NRXN1: variants seen among roughly 807,000 people sequenced by gnomAD.
NRXN1 encodes the protein neurexin 1.
In NRXN1, 39 loss-of-function variants were observed where a neutral mutation model predicts 150.9. That is an observed-to-expected ratio of 0.26 (90% CI 0.20 to 0.34). The LOEUF is 0.34. NRXN1 is among the 10% of genes least tolerant of loss of function. NRXN1 has a pLI of 1.00. For missense variants in NRXN1, 1,815 were observed against 1,949.9 expected (o/e 0.93, Z 1.30); for synonymous variants, 924 against 757.0 (o/e 1.22, Z -3.62).
At chr2:50,079,807 T>C (rs1239931893) in intron 19 of NRXN1, among the ~76,000 whole-genome samples, 1 of 152,116 alleles carries the variant, frequency 6.6e-6, no homozygotes, top group Non-Finnish European at 1.5e-5. Flanking sequence ...TTGCATGATA[T>C]GTTTTAAAGT....
chr2:50,287,971 C>A (rs2072409289), intron 17 of NRXN1, among the ~76,000 whole-genome samples: 1 of 151,898 alleles, frequency 6.6e-6, no homozygotes, highest in South Asian at 2.1e-4. Flanking sequence ...AGGAAAGGAC[C>A]TCGAGGGCAT....
At chr2:50,164,811 C>T (rs576132003) in intron 18 of NRXN1, among the ~76,000 whole-genome samples, 1 of 152,260 alleles carries the variant, frequency 6.6e-6, no homozygotes, top group South Asian at 2.1e-4. Context: ...GTTCTCCGTT[C>T]TCCGTCAAAA....
intron 5 of NRXN1, among the ~76,000 whole-genome samples, chr2:50,809,323 C>G (rs1039859134): frequency 2.6e-5 from 4 of 152,032 alleles, no homozygotes; most frequent in Non-Finnish European, 4.4e-5. Flanking sequence ...TAAGCCCAAA[C>G]ATTTTTAAAT....
At chr2:50,900,584 T>C (rs1365745028) in intron 5 of NRXN1, among the ~76,000 whole-genome samples, 4 of 152,148 alleles carry the variant, frequency 2.6e-5, no homozygotes, top group Admixed American at 2.0e-4. Flanking sequence ...TTACTCAAGA[T>C]AGCATGAACA....
chr2:50,616,026 G>A (rs899370684), intron 8 of NRXN1: 1 of 151,992 alleles, frequency 6.6e-6, no homozygotes, highest in African/African-American at 2.4e-5. Context: ...TATCTTCTAA[G>A]AATTTCATAG....
intron 2 of NRXN1, among the ~76,000 whole-genome samples, chr2:50,961,767 T>C (rs1253093016): frequency 6.6e-6 from 1 of 151,708 alleles, no homozygotes; most frequent in African/African-American, 2.4e-5. Context: ...AGACACAGCA[T>C]TTGTGATGTT....
At chr2:50,646,710 T>A (rs1292517817) in intron 5 of NRXN1, among the ~76,000 whole-genome samples, 93 of 105,800 alleles carry the variant, frequency 8.8e-4, no homozygotes, top group African/African-American at 3.1e-3. Flanking sequence ...CATGTTGTCT[T>A]TTTTTTTTTT....
intron 5 of NRXN1, among the ~76,000 whole-genome samples, chr2:50,886,068 C>A (rs760480005): frequency 1.3e-4 from 19 of 151,264 alleles, no homozygotes; most frequent in Admixed American, 4.0e-4. Context: ...TTTATTTGAT[C>A]ATTGTATAGA....
chr2:49,998,956 G>A (rs2193867), intron 21 of NRXN1, among the ~76,000 whole-genome samples: 72,147 of 151,854 alleles, frequency 0.48, 17,722 homozygotes, highest in Middle Eastern at 0.61. Context: ...GACATTCCCA[G>A]TGTGCCAAAG....
chr2:50,589,503 TGA>T lies in NRXN1; in HGVS notation c.1320+30517_1320+30518del, dbSNP rs1486307367. On this transcript the variant is annotated intron_variant, in intron 8 of 22. Coordinates refer to ENST00000401669, the MANE Select transcript of NRXN1 (RefSeq NM_001330078.2). ...TCCTGAGTAGCTAGGACCACAGGTG[TGA>T]ACCACCATGCCTGGCTAATTTTTGT... The T allele has an allele frequency of 2.7e-3, 345 of 129,664 alleles. 3 individuals carry two copies. Among genetic ancestry groups the T allele is most frequent in the Non-Finnish European group, 4.3e-3 (254 of 59,428 alleles). 8.0% of individuals were successfully genotyped at this position (129,664 alleles called of 1,614,324 possible).
chr2:50,351,283 G>A (rs564566975), intron 17 of NRXN1, among the ~76,000 whole-genome samples: 2 of 152,222 alleles, frequency 1.3e-5, no homozygotes, highest in East Asian at 1.9e-4. Context: ...GTTTCTTAAC[G>A]CTGTCTGTAC....
At chr2:50,924,444 A>G (rs1433295736) in intron 3 of NRXN1, among the ~76,000 whole-genome samples, 1 of 151,748 alleles carries the variant, frequency 6.6e-6, no homozygotes, top group Non-Finnish European at 1.5e-5. Context: ...GCTGATTTTA[A>G]AGCCTCTTGG....
intron 17 of NRXN1, among the ~76,000 whole-genome samples, chr2:50,367,218 A>G (rs2079647734): frequency 6.6e-6 from 1 of 151,992 alleles, no homozygotes; most frequent in Non-Finnish European, 1.5e-5. Context: ...TCGTTGAGTA[A>G]ATAATACTAT....
intron 17 of NRXN1, among the ~76,000 whole-genome samples, chr2:50,255,422 C>A (rs1343953876): frequency 3.3e-5 from 5 of 152,074 alleles, no homozygotes; most frequent in Non-Finnish European, 7.4e-5. Context: ...GATTAAAGTA[C>A]CAAATCAGAC....
At chr2:50,461,534 G>T (rs2088213965) in intron 17 of NRXN1, among the ~76,000 whole-genome samples, 1 of 152,020 alleles carries the variant, frequency 6.6e-6, no homozygotes, top group South Asian at 2.1e-4. Context: ...GGTAAAAGGA[G>T]AAAAGGATTA....
intron 17 of NRXN1, among the ~76,000 whole-genome samples, chr2:50,422,397 A>G (rs2084071064): frequency 6.6e-6 from 1 of 152,200 alleles, no homozygotes; most frequent in African/African-American, 2.4e-5. Flanking sequence ...GAGAAAGACA[A>G]CCATGAAAAT....
At chr2:49,959,682 T>C (rs1675573880) in intron 21 of NRXN1, among the ~76,000 whole-genome samples, 1 of 152,204 alleles carries the variant, frequency 6.6e-6, no homozygotes, top group Non-Finnish European at 1.5e-5. Context: ...ATCTATGCAG[T>C]AGTTGTAGGG....
chr2:50,501,618 C>T (rs1228609626), intron 13 of NRXN1, among the ~76,000 whole-genome samples: 1 of 150,986 alleles, frequency 6.6e-6, no homozygotes, highest in Non-Finnish European at 1.5e-5. Flanking sequence ...GAATGTTGTT[C>T]CATAAAGGAC....
At chr2:51,009,029 T>A (rs912014095) in intron 2 of NRXN1, among the ~76,000 whole-genome samples, 1 of 151,934 alleles carries the variant, frequency 6.6e-6, no homozygotes, top group Non-Finnish European at 1.5e-5. Flanking sequence ...CAATGTACTA[T>A]TCTACTAAAT....
Sources: gnomAD v4.1 joint callset for allele counts (sites outside exome capture counted in the v4.1 genomes callset) on GRCh38, gnomAD v4.1.1 for gene constraint, MANE v1.5 for transcripts, NCBI Gene and HGNC (gene_info 2026-07-23, HGNC 2026-07-21) for gene names.